Variants in SLC30A9 observed in about 807,000 individuals in gnomAD.
SLC30A9 encodes the protein proton-coupled zinc antiporter SLC30A9, mitochondrial.
Under a neutral mutation model 87.5 loss-of-function variants are expected in SLC30A9, and 58 were observed. That is an observed-to-expected ratio of 0.66 (90% CI 0.54 to 0.82). The LOEUF (loss-of-function observed/expected upper bound fraction) is 0.82. SLC30A9 is among the 40% of genes least tolerant of loss of function. The pLI is 0.00. For missense variants in SLC30A9, 557 were observed against 679.1 expected (o/e 0.82, Z 2.00); for synonymous variants, 234 against 233.0 (o/e 1.00, Z -0.04).
intron 6 of SLC30A9, chr4:42,029,392 A>G: frequency 1.6e-6 from 1 of 616,772 alleles, no homozygotes; most frequent in South Asian, 1.4e-5. Flanking sequence ...GCTCACCATC[A>G]GTGAATTTAA....
At chr4:42,033,386 C>T (rs1011998605) in intron 6 of SLC30A9, among the ~76,000 whole-genome samples, 4 of 151,760 alleles carry the variant, frequency 2.6e-5, no homozygotes, top group African/African-American at 7.3e-5. Context: ...TGCCTATAAT[C>T]CCGGGACTTT....
In SLC30A9 at chr4:41,990,714, C is replaced by T; in HGVS notation, c.63C>T (p.Leu21=). 6 of 1,612,226 alleles carry T rather than the reference C, an allele frequency of 3.7e-6. No homozygotes were observed. The highest frequency in any genetic ancestry group is 5.1e-6 in the Non-Finnish European group (6 of 1,179,456). The change falls in exon 1 of 18, where the codon CTC becomes CTT. Residue 21 remains leucine (L), a synonymous_variant. Coordinates refer to ENST00000264451, the MANE Select transcript of SLC30A9 (RefSeq NM_006345.4). ...HRCSWSSLCR[L]RLRCRAAACN... ...GTAGCTGGTCCTCCCTGTGCCGGCT[C>T]CGTCTGCGATGCAGGGCGGCGGCCT...
intron 2 of SLC30A9, among the ~76,000 whole-genome samples, chr4:42,009,583 C>A (rs1310939926): frequency 2.0e-5 from 3 of 152,306 alleles, no homozygotes; most frequent in African/African-American, 7.2e-5. Context: ...TGATTGAAAT[C>A]ATAAAGATTC....
At chr4:42,053,524 C>T (rs928632809) in intron 9 of SLC30A9, among the ~76,000 whole-genome samples, 5 of 151,620 alleles carry the variant, frequency 3.3e-5, no homozygotes, top group African/African-American at 1.2e-4. Flanking sequence ...AATTCCATCT[C>T]TGCTAAAAGT....
At chr4:42,075,182 T>C (rs1718501085) in intron 15 of SLC30A9, among the ~76,000 whole-genome samples, 1 of 144,772 alleles carries the variant, frequency 6.9e-6, no homozygotes, top group African/African-American at 2.5e-5. Flanking sequence ...CAAGCAATTC[T>C]CCTGTCTCAG....
chr4:42,068,915 A>G (rs1194088469), intron 14 of SLC30A9, among the ~76,000 whole-genome samples: 1 of 152,240 alleles, frequency 6.6e-6, no homozygotes, highest in Non-Finnish European at 1.5e-5. Flanking sequence ...AACTTCTTCC[A>G]TACTTCTCTA....
At position 42,070,578 on chromosome 4, in the gene SLC30A9, C is replaced by T. The variant is rs1225400315; in HGVS notation, c.1305C>T (p.Gly435=). 6.2e-7 allele frequency: 1 copy of T among 1,612,942 alleles called. No homozygotes were observed. The highest frequency in any genetic ancestry group is 2.2e-5 in the East Asian group (1 of 44,824). Residue 435 remains glycine, a synonymous_variant, in exon 15 of 18, where the codon GGC becomes GGT. Transcript: ENST00000264451. ...LGSLGVGTLL[G]MVSAFLIYTN... is the part of the protein sequence containing the mutation. ...CTTTGGGTGTGGGCACCTTATTAGGCATGGTCTCAGCATTCCTCATCTACA... is the reference window on the plus strand; with the variant it reads ...CTTTGGGTGTGGGCACCTTATTAGGTATGGTCTCAGCATTCCTCATCTACA...
chr4:42,008,376 AT>A (rs1476272069), intron 2 of SLC30A9, among the ~76,000 whole-genome samples: 1 of 152,136 alleles, frequency 6.6e-6, no homozygotes, highest in African/African-American at 2.4e-5. Context: ...TCCATATTTT[AT>A]TTCCTCATCA....
At chr4:41,990,822 C>T in intron 1 of SLC30A9, 62 bp downstream of exon 1, 3 of 1,241,202 alleles carry the variant, frequency 2.4e-6, no homozygotes, top group Admixed American at 2.0e-5. Flanking sequence ...AGGCTGGGCT[C>T]GGCGCCTCGC....
intron 12 of SLC30A9, 58 bp from the exon 13 acceptor site, chr4:42,066,492 C>A: frequency 9.0e-7 from 1 of 1,111,948 alleles, no homozygotes; most frequent in Non-Finnish European, 1.3e-6. Context: ...GAGATGCCAT[C>A]TTTAAAGTTT....
chr4:42,061,884 G>C (rs1169213835), intron 10 of SLC30A9, among the ~76,000 whole-genome samples: 2 of 149,386 alleles, frequency 1.3e-5, no homozygotes, highest in African/African-American at 4.9e-5. Flanking sequence ...TGTTCAACAA[G>C]AGCGAAACTC....
intron 6 of SLC30A9, chr4:42,029,266 G>A (rs979576090): frequency 1.9e-5 from 9 of 469,478 alleles, no homozygotes; most frequent in Non-Finnish European, 3.4e-5. Context: ...CTGGAACTCA[G>A]AGAAGAAGGA....
At chr4:42,013,649 C>T (rs1262416460) in intron 2 of SLC30A9, among the ~76,000 whole-genome samples, 1 of 152,194 alleles carries the variant, frequency 6.6e-6, no homozygotes, top group Admixed American at 6.5e-5. Context: ...GGGGAAAGGA[C>T]TGTCTATTCA....
At chr4:42,020,372 CT>C in intron 3 of SLC30A9, 43 bp from the exon 4 acceptor site, 1 of 922,772 alleles carries the variant, frequency 1.1e-6, no homozygotes. Flanking sequence ...TCACATGTGA[CT>C]TTCAATGTGC....
intron 2 of SLC30A9, among the ~76,000 whole-genome samples, chr4:42,012,350 A>G (rs1159593129): frequency 6.6e-6 from 1 of 152,214 alleles, no homozygotes; most frequent in Non-Finnish European, 1.5e-5. Context: ...GTAAGAGGAA[A>G]AATAAATGCT....
chr4:42,038,060 C>G (rs1202348802), intron 7 of SLC30A9, among the ~76,000 whole-genome samples: 1 of 152,198 alleles, frequency 6.6e-6, no homozygotes, highest in Non-Finnish European at 1.5e-5. Context: ...GCGTGAGCCA[C>G]TGCGCCCGAC....
intron 17 of SLC30A9, among the ~76,000 whole-genome samples, chr4:42,081,888 C>T (rs1718750897): frequency 6.6e-6 from 1 of 151,984 alleles, no homozygotes; most frequent in Non-Finnish European, 1.5e-5. Flanking sequence ...AAGTATAATC[C>T]ATACATTCAG....
intron 1 of SLC30A9, among the ~76,000 whole-genome samples, chr4:41,999,555 A>C (rs1714887917): frequency 6.6e-6 from 1 of 152,202 alleles, no homozygotes; most frequent in South Asian, 2.1e-4. Context: ...CCATTGATTT[A>C]TAGAACATAC....
intron 8 of SLC30A9, among the ~76,000 whole-genome samples, chr4:42,039,660 A>G (rs1185065293): frequency 1.3e-5 from 2 of 151,866 alleles, no homozygotes; most frequent in Non-Finnish European, 2.9e-5. Context: ...ATGGGGTTTC[A>G]CTACGTTGGC....
Sources: allele counts gnomAD v4.1 joint callset (sites outside exome capture counted in the v4.1 genomes callset), GRCh38; gene constraint gnomAD v4.1.1; transcripts MANE v1.5; gene names NCBI Gene and HGNC (gene_info 2026-07-23, HGNC 2026-07-21).